Variants in GRIP2 observed in about 807,000 individuals in gnomAD.
GRIP2 encodes the protein glutamate receptor-interacting protein 2.
Under a neutral mutation model 108.3 loss-of-function variants are expected in GRIP2, and 58 were observed. The ratio of observed to expected loss-of-function variants is 0.54; its 90% CI spans 0.43 to 0.67. GRIP2 has a LOEUF of 0.67. GRIP2 is among the 30% of genes least tolerant of loss of function. The probability of loss-of-function intolerance (pLI) is 0.00; values close to 1 mark genes in which losing one functional copy is unlikely to be tolerated. For synonymous variants in GRIP2, 586 were observed against 598.2 expected, an observed-to-expected ratio of 0.98 and a Z score of 0.30; for missense variants, 1,278 against 1,430.6, an observed-to-expected ratio of 0.89 and a Z score of 1.72.
In GRIP2 at chr3:14,491,500, A is replaced by G. The variant is rs1413573366; in HGVS notation, c.*2165T>C. ...GGTGTCAGGAAATTTCAAGTCGGGGATGAACCATCCCCATGAGAAGCCAGA... is the reference window on the plus strand; with the variant it reads ...GGTGTCAGGAAATTTCAAGTCGGGGGTGAACCATCCCCATGAGAAGCCAGA... On this transcript the variant is annotated 3_prime_UTR_variant, in exon 24 of 24. Transcript: ENST00000621039. 2.0e-5 allele frequency: 3 copies of G among 152,236 alleles called. No individual in the cohort carries two copies. The highest frequency in any genetic ancestry group is 2.9e-5 in the Non-Finnish European group (2 of 68,078). 9.4% of individuals were successfully genotyped at this position (152,236 alleles called of 1,614,324 possible). A position where few individuals can be genotyped will look rare whatever the true frequency, so the allele number is the denominator to read the frequency against.
Position 14,521,357 on chromosome 3 carries a change from G to A in GRIP2, c.712+285C>T, listed in dbSNP as rs1694403444. On this transcript the variant is annotated intron_variant, in intron 7 of 23. Transcript: ENST00000621039. This position sits in a 1 kb window ranked among gnomAD's most constrained non-coding sequence, Gnocchi z 5.1. Reference sequence around the variant, plus strand: ...TTTTCTTTTTTCCATAGCACTTATTGCCAACTGACATACACCATATCTTAT... The same window carrying A: ...TTTTCTTTTTTCCATAGCACTTATTACCAACTGACATACACCATATCTTAT... The A allele has an allele frequency of 2.9e-6, 1 of 347,036 alleles. No individual in the cohort carries two copies. Among genetic ancestry groups the A allele is most frequent in the Non-Finnish European group, 5.2e-6 (1 of 194,002 alleles). The allele number at this position is 347,036 out of a possible 1,614,324, so 21.5% of individuals were successfully genotyped here. A position where few individuals can be genotyped will look rare whatever the true frequency, so the allele number is the denominator to read the frequency against.
the GRIP2 span, among the ~76,000 whole-genome samples, chr3:14,564,462 G>A: frequency 3.3e-5 from 5 of 152,198 alleles, no homozygotes; most frequent in Admixed American, 2.6e-4. Context: ...GGGAGGGGAC[G>A]GCCTGCCGAG....
chr3:14,547,330 C>T lies in GRIP2; in HGVS notation c.55+8570G>A, dbSNP rs532143164. On this transcript the variant is annotated intron_variant, in intron 1 of 23. Transcript: ENST00000637182. ...CAAGGGCACACACAGACGGAAAGAC[C>T]TGTTTCACCTATTTCAAGTGCAAGT... is the stretch of plus-strand genomic sequence containing the variant. Among the ~76,000 whole-genome samples the T allele has an allele frequency of 5.9e-5, 9 of 152,274 alleles. No homozygotes were observed. The South Asian group carries it at 1.9e-3, about 32-fold the overall frequency.
chr3:14,521,502 A>C lies in GRIP2; in HGVS notation c.712+140T>G. The C allele has an allele frequency of 1.1e-6, 1 of 870,142 alleles. No individual in the cohort carries two copies. Among genetic ancestry groups the C allele is most frequent in the Non-Finnish European group, 1.7e-6 (1 of 576,934 alleles). The allele number at this position is 870,142 out of a possible 1,614,324, so 53.9% of individuals were successfully genotyped here. A position where few individuals can be genotyped will look rare whatever the true frequency, so the allele number is the denominator to read the frequency against. ...AAACAATGCCTAGCACATACTATTT[A>C]CTGCCCAGAGAAGCTGTGACTGGCC... On this transcript the variant is annotated intron_variant, in intron 7 of 23. Transcript: ENST00000621039. This position sits in a 1 kb window ranked among gnomAD's most constrained non-coding sequence, Gnocchi z 5.1.
At chr3:14,577,567 C>T in the GRIP2 span, among the ~76,000 whole-genome samples, 3 of 152,206 alleles carry the variant, frequency 2.0e-5, no homozygotes, top group African/African-American at 7.2e-5. Context: ...CTGGAAGGTC[C>T]TTTCCTTCTG....
Position 14,514,493 on chromosome 3 carries a change from G to A in GRIP2, c.1307-15C>T, listed in dbSNP as rs947726807. The A allele has an allele frequency of 2.1e-5, 32 of 1,537,770 alleles. No individual in the cohort carries two copies. Among genetic ancestry groups the A allele is most frequent in the Non-Finnish European group, 2.6e-5 (30 of 1,138,176 alleles). On this transcript the variant is annotated splice_polypyrimidine_tract_variant and intron_variant, in intron 11 of 23. Coordinates refer to ENST00000621039, the MANE Select transcript of GRIP2 (RefSeq NM_001080423.4). ...GGCTAGCGACACTGTAGGACAGGTGGGCCCAGCATTCAGGTGAGCCGCCCC... is the reference window on the plus strand; with the variant it reads ...GGCTAGCGACACTGTAGGACAGGTGAGCCCAGCATTCAGGTGAGCCGCCCC...
At chr3:14,542,676 C>T (rs920947401), upstream of GRIP2, among the ~76,000 whole-genome samples, 1 of 152,160 alleles carries the variant, frequency 6.6e-6, no homozygotes, top group Non-Finnish European at 1.5e-5. Context: ...TGAGTGCTTG[C>T]CATGCTATGC....
At chr3:14,590,340 T>C in the GRIP2 span, among the ~76,000 whole-genome samples, 2 of 152,324 alleles carry the variant, frequency 1.3e-5, no homozygotes, top group Non-Finnish European at 2.9e-5. Context: ...ATCTGGGATG[T>C]AGGTTGTAAA....
At chr3:14,571,370 C>T in the GRIP2 span, among the ~76,000 whole-genome samples, 2 of 152,168 alleles carry the variant, frequency 1.3e-5, no homozygotes, top group Non-Finnish European at 2.9e-5. Flanking sequence ...ATGGCTGTCA[C>T]TGAGGCACAG....
the GRIP2 span, chr3:14,573,325 G>C: frequency 7.1e-7 from 1 of 1,406,458 alleles, no homozygotes; most frequent in Non-Finnish European, 1.0e-6. Flanking sequence ...ACACCACTCA[G>C]CAGGTAGATG....
At chr3:14,552,875 G>A (rs1464840257) in intron 1 of GRIP2, among the ~76,000 whole-genome samples, 1 of 151,740 alleles carries the variant, frequency 6.6e-6, no homozygotes, top group Non-Finnish European at 1.5e-5. Context: ...TTATAGGCGT[G>A]AGCTAGCTAC....
chr3:14,587,524 A>T, the GRIP2 span, among the ~76,000 whole-genome samples: 1 of 152,086 alleles, frequency 6.6e-6, no homozygotes, highest in African/African-American at 2.4e-5. Context: ...CTGTAGTCCC[A>T]GCTACTAGGG....
chr3:14,570,358 G>A, the GRIP2 span, among the ~76,000 whole-genome samples: 1 of 152,198 alleles, frequency 6.6e-6, no homozygotes, highest in Admixed American at 6.5e-5. Flanking sequence ...AGCAGCAGCA[G>A]GAAGTCAGAG....
At chr3:14,526,182 T>C (rs1045011212) in intron 1 of GRIP2, among the ~76,000 whole-genome samples, 1 of 152,208 alleles carries the variant, frequency 6.6e-6, no homozygotes. Context: ...TCACAGCCAT[T>C]CTGTGGTTCA....
At chr3:14,572,700 G>A in the GRIP2 span, among the ~76,000 whole-genome samples, 1 of 149,282 alleles carries the variant, frequency 6.7e-6, no homozygotes, top group Non-Finnish European at 1.5e-5. Context: ...GGGTTCAACA[G>A]AAGTGAACAA....
chr3:14,520,577 G>C (rs372745849), intron 7 of GRIP2, 40 bp from the exon 8 acceptor site: 1 of 1,609,576 alleles, frequency 6.2e-7, no homozygotes. Context: ...TGCAAATACC[G>C]AGCACTTTCC....
At position 14,494,833 on chromosome 3, in the gene GRIP2, C is replaced by G. The variant is rs1220841942; in HGVS notation, c.2970+10G>C. 5 of 1,608,828 alleles carry G rather than the reference C, an allele frequency of 3.1e-6. No individual in the cohort carries two copies. The highest frequency in any genetic ancestry group is 4.2e-6 in the Non-Finnish European group (5 of 1,176,908). ...CCACCCCCACTATGGAGCCCCTGCC[C>G]CAGCATTACCTGCAGGACCCTGTCG... On this transcript the variant is annotated intron_variant, in intron 23 of 23. Coordinates refer to ENST00000621039, the MANE Select transcript of GRIP2 (RefSeq NM_001080423.4).
chr3:14,564,218 G>A, the GRIP2 span, among the ~76,000 whole-genome samples: 1 of 152,210 alleles, frequency 6.6e-6, no homozygotes, highest in East Asian at 1.9e-4. Context: ...TAATATTCCT[G>A]GCACTGCCTT....
At chr3:14,525,826 G>C in intron 2 of GRIP2, 25 bp downstream of exon 2, 1 of 1,550,880 alleles carries the variant, frequency 6.4e-7, no homozygotes, top group Non-Finnish European at 8.7e-7. Flanking sequence ...GGCAGAAAAA[G>C]AGGGAATGAG....
Sources: gnomAD v4.1 joint callset for allele counts (sites outside exome capture counted in the v4.1 genomes callset) on GRCh38, gnomAD v4.1.1 for gene constraint, Gnocchi (gnomAD v3.1) non-coding constraint, MANE v1.5 for transcripts, NCBI Gene and HGNC (gene_info 2026-07-23, HGNC 2026-07-21) for gene names.